Variants in TOR1A observed in about 807,000 individuals in gnomAD.
TOR1A encodes the protein torsin-1A.
A neutral mutation model predicts 31.4 loss-of-function variants in TOR1A; 18 were observed. The ratio of observed to expected loss-of-function variants is 0.57; its 90% confidence interval spans 0.40 to 0.85. TOR1A has a LOEUF of 0.85. TOR1A is among the 40% of genes least tolerant of loss of function. TOR1A has a pLI of 0.00. For missense variants in TOR1A, 375 were observed against 416.4 expected, an observed-to-expected ratio of 0.90 and a Z score of 0.87; for synonymous variants, 168 against 165.9, an observed-to-expected ratio of 1.01 and a Z score of -0.10.
intron 4 of TOR1A, among the ~76,000 whole-genome samples, chr9:129,817,726 G>A (rs561168953): frequency 1.0e-4 from 15 of 148,082 alleles, no homozygotes; most frequent in African/African-American, 3.7e-4. Flanking sequence ...AGCAGGCCAG[G>A]TATGTAGCTC....
intron 1 of TOR1A, among the ~76,000 whole-genome samples, chr9:129,823,128 G>A (rs1407965558): frequency 6.6e-6 from 1 of 152,112 alleles, no homozygotes; most frequent in Non-Finnish European, 1.5e-5. Flanking sequence ...TAACCCCTGT[G>A]CTGCTCCTCC....
At position 129,818,725 on chromosome 9, in the gene TOR1A, T is replaced by C. The variant is rs180782681; in HGVS notation, c.620+20A>G. 1.1e-5 allele frequency: 17 copies of C among 1,613,808 alleles called. No homozygotes were observed. Among genetic ancestry groups the C allele is most frequent in the Admixed American group, 1.7e-5 (1 of 60,020 alleles). Reference sequence around the variant, plus strand: ...GCTTGGGCTCGGGGCCCATCCATCATGTCCTAGCCCTGACCTTACCTGAGA... The same window carrying C: ...GCTTGGGCTCGGGGCCCATCCATCACGTCCTAGCCCTGACCTTACCTGAGA... On this transcript the variant is annotated intron_variant, in intron 3 of 4. Coordinates refer to ENST00000351698, the MANE Select transcript of TOR1A (RefSeq NM_000113.3).
Position 129,822,713 on chromosome 9 carries a change from T to C in TOR1A, c.312A>G (p.Thr104=), listed in dbSNP as rs1356936902. Residue 104 remains threonine (T), a synonymous_variant, in exon 2 of 5, where the codon ACA becomes ACG. Coordinates refer to ENST00000351698, the MANE Select transcript of TOR1A (RefSeq NM_000113.3). Reference sequence around the variant, plus strand: ...TGCTGACGAAATTTTTGCCGGTGCCTGTCCACCCGTGCAGGGAGAGCGTGA... The same window carrying C: ...TGCTGACGAAATTTTTGCCGGTGCCCGTCCACCCGTGCAGGGAGAGCGTGA... The part of the protein sequence containing the change: ...KPLTLSLHGW[T]GTGKNFVSKI... The C allele has an allele frequency of 6.2e-7, 1 of 1,614,214 alleles. No individual in the cohort carries two copies. The highest frequency in any genetic ancestry group is 8.5e-7 in the Non-Finnish European group (1 of 1,180,030).
At chr9:129,815,944 C>G (rs1211378586) in intron 4 of TOR1A, among the ~76,000 whole-genome samples, 1 of 152,094 alleles carries the variant, frequency 6.6e-6, no homozygotes, top group African/African-American at 2.4e-5. Context: ...TGGGTCTGTC[C>G]TCCATCCAGT....
rs2031132963 is a variant in TOR1A, at chr9:129,819,685, G to A, written c.445-765C>T. On this transcript the variant is annotated intron_variant, in intron 2 of 4. Coordinates refer to ENST00000351698, the MANE Select transcript of TOR1A (RefSeq NM_000113.3). Reference sequence around the variant, plus strand: ...CTGAGGTAGAATTGCATGAACCTGGGAGGCGGAGGTTGCGGTGAGCCAAGA... The same window carrying A: ...CTGAGGTAGAATTGCATGAACCTGGAAGGCGGAGGTTGCGGTGAGCCAAGA... Among the ~76,000 whole-genome samples the A allele has an allele frequency of 2.6e-5, 4 of 151,962 alleles. No homozygotes were observed. The South Asian group carries it at 8.3e-4, about 32-fold the overall frequency.
chr9:129,820,634 C>G (rs1483050302), intron 2 of TOR1A, among the ~76,000 whole-genome samples: 2 of 152,160 alleles, frequency 1.3e-5, no homozygotes, highest in South Asian at 2.1e-4. Context: ...GGTCTCACTC[C>G]GTCACCCAGG....
intron 4 of TOR1A, among the ~76,000 whole-genome samples, chr9:129,818,116 G>A (rs941912218): frequency 2.6e-5 from 4 of 152,160 alleles, no homozygotes; most frequent in Admixed American, 2.6e-4. Flanking sequence ...GACCAGCCTG[G>A]CCAACATGAC....
At chr9:129,823,405 G>A in intron 1 of TOR1A, 2 of 269,806 alleles carry the variant, frequency 7.4e-6, no homozygotes, top group Non-Finnish European at 1.5e-5. Flanking sequence ...CTTGGCTTCC[G>A]GGGTCCGGCC....
In TOR1A at chr9:129,813,340, C is replaced by A; in HGVS notation, c.*632G>T. 1 of 160,682 alleles carries A rather than the reference C, an allele frequency of 6.2e-6. No individual in the cohort carries two copies. The highest frequency in any genetic ancestry group is 1.4e-5 in the Non-Finnish European group (1 of 73,142). The allele number at this position is 160,682 out of a possible 1,614,324, so 10.0% of individuals were successfully genotyped here. On this transcript the variant is annotated 3_prime_UTR_variant, in exon 5 of 5. Transcript: ENST00000351698. ...GGCTGTTTCAGGCTTATCTGTGGTGCCTGAAGGCGTCCTCTTACCTACTTG... is the reference window on the plus strand; with the variant it reads ...GGCTGTTTCAGGCTTATCTGTGGTGACTGAAGGCGTCCTCTTACCTACTTG...
At chr9:129,823,776 A>T in intron 1 of TOR1A, 132 bp downstream of exon 1, 1 of 934,980 alleles carries the variant, frequency 1.1e-6, no homozygotes, top group Non-Finnish European at 1.5e-6. Flanking sequence ...CTCCAGCCCT[A>T]GTCCTAGCCC....
rs1165733041 is a variant in TOR1A at position 129,822,746 on chromosome 9, CT to C, written c.278del (p.Lys93ArgfsTer32). 1 of 1,614,180 alleles carries C rather than the reference CT, an allele frequency of 6.2e-7. No homozygotes were observed. Among genetic ancestry groups the C allele is most frequent in the Admixed American group, 1.7e-5 (1 of 60,020 alleles). On this transcript the variant is annotated frameshift_variant, in exon 2 of 5. Coordinates refer to ENST00000351698, the MANE Select transcript of TOR1A (RefSeq NM_000113.3). LOFTEE classifies it high-confidence loss of function. Reference sequence around the variant, plus strand: ...CGTGCAGGGAGAGCGTGAGAGGTTTCTTGGGCTTTGGGTTGTTTATGAAACC... The same window carrying C: ...CGTGCAGGGAGAGCGTGAGAGGTTTCTGGGCTTTGGGTTGTTTATGAAACC... ...VFGFINNPKPKKPLTLSLHGW... is the reference protein window; with the variant it reads ...VFGFINNPKPXKPLTLSLHGW...
chr9:129,822,756 G>C lies in TOR1A; in HGVS notation c.269C>G (p.Pro90Arg), dbSNP rs1453201052. The C allele has an allele frequency of 6.2e-7, 1 of 1,614,160 alleles. No individual in the cohort carries two copies. The highest frequency in any genetic ancestry group is 1.1e-5 in the South Asian group (1 of 91,070). ...LNAVFGFINN[P>R]KPKKPLTLSL... ...GAGCGTGAGAGGTTTCTTGGGCTTT[G>C]GGTTGTTTATGAAACCAAACACGGC... The change falls in exon 2 of 5, where the codon CCA becomes CGA. Residue 90 changes from proline to arginine, a missense_variant. Pro to Arg is a moderately radical substitution (Grantham distance 103). Coordinates refer to ENST00000351698, the MANE Select transcript of TOR1A (RefSeq NM_000113.3).
chr9:129,818,605 G>A lies in TOR1A; in HGVS notation c.663C>T (p.Phe221=). The change falls in exon 4 of 5, where the codon TTC becomes TTT. Residue 221 remains phenylalanine, a synonymous_variant. Transcript: ENST00000351698. ...AERITDVALD[F]WRSGKQREDI... ...CTTCCCTCTGCTTTCCACTCCTCCA[G>A]AAATCCAAAGCCACATCTGTGATCC... is the stretch of plus-strand genomic sequence containing the variant. The A allele has an allele frequency of 6.2e-7, 1 of 1,614,220 alleles. No homozygotes were observed. Among genetic ancestry groups the A allele is most frequent in the Admixed American group, 1.7e-5 (1 of 60,022 alleles).
At chr9:129,821,929 G>A (rs1417981506) in intron 2 of TOR1A, 7 of 157,108 alleles carry the variant, frequency 4.5e-5, no homozygotes, top group African/African-American at 1.5e-4. Flanking sequence ...ACAACAGTAG[G>A]TTCAACAAAC....
chr9:129,822,378 A>T, intron 2 of TOR1A: 1 of 735,250 alleles, frequency 1.4e-6, no homozygotes, highest in Non-Finnish European at 2.3e-6. Context: ...ACCGATTTTC[A>T]GAACCCACCA....
rs201899335 is a variant in TOR1A, at chr9:129,818,943, G to T, written c.445-23C>A. Reference sequence around the variant, plus strand: ...ATCCTGAATTAAAAGGGGAAAAAGCGAACACAAAGTTCTCAGCCAGGGCCA... The same window carrying T: ...ATCCTGAATTAAAAGGGGAAAAAGCTAACACAAAGTTCTCAGCCAGGGCCA... On this transcript the variant is annotated intron_variant, in intron 2 of 4. Coordinates refer to ENST00000351698, the MANE Select transcript of TOR1A (RefSeq NM_000113.3). 4 of 1,608,782 alleles carry T rather than the reference G, an allele frequency of 2.5e-6. No homozygotes were observed. The South Asian group carries it at 3.3e-5, about 13-fold the overall frequency.
In TOR1A at chr9:129,822,373, T is replaced by A; in HGVS notation, c.444+208A>T. 3 of 721,316 alleles carry A rather than the reference T, an allele frequency of 4.2e-6. No individual in the cohort carries two copies. In the East Asian group the frequency reaches 8.8e-5, roughly 21 times the overall value. The allele number at this position is 721,316 out of a possible 1,614,324, so 44.7% of individuals were successfully genotyped here. On this transcript the variant is annotated intron_variant, in intron 2 of 4. Transcript: ENST00000351698. ...TGACCCTACATACTCACTGGACCGA[T>A]TTTCAGAACCCACCACAAAGCTTTG...
At position 129,818,897 on chromosome 9, in the gene TOR1A, T is replaced by A; in HGVS notation, c.468A>T (p.Arg156=). The A allele has an allele frequency of 1.2e-6, 2 of 1,613,680 alleles. No individual in the cohort carries two copies. Among genetic ancestry groups the A allele is most frequent in the Non-Finnish European group, 1.7e-6 (2 of 1,180,042 alleles). The change falls in exon 3 of 5, where the codon CGA becomes CGT. Residue 156 remains arginine, a synonymous_variant. Transcript: ENST00000351698. ...LYKDQLQLWI[R]GNVSACARSI... is the part of the protein sequence containing the mutation. ...ACCTCGCACAGGCACTCACGTTGCC[T>A]CGAATCCACAACTGTAACTGATCCT...
rs1384287404 is a variant in TOR1A, at chr9:129,823,399, G to A, written c.178+509C>T. The A allele has an allele frequency of 4.8e-5, 13 of 271,646 alleles. No individual in the cohort carries two copies. The East Asian group carries it at 1.4e-3, about 28-fold the overall frequency. The allele number at this position is 271,646 out of a possible 1,614,324, so 16.8% of individuals were successfully genotyped here. On this transcript the variant is annotated intron_variant, in intron 1 of 4. Transcript: ENST00000351698. Reference sequence around the variant, plus strand: ...CCTCATCCTGCAGGCCGGCCGCTTGGCTTCCGGGGTCCGGCCCCCGCGGAC... The same window carrying A: ...CCTCATCCTGCAGGCCGGCCGCTTGACTTCCGGGGTCCGGCCCCCGCGGAC...
Sources: gnomAD v4.1 joint callset for allele counts (sites outside exome capture counted in the v4.1 genomes callset) on GRCh38, gnomAD v4.1.1 for gene constraint, MANE v1.5 for transcripts, NCBI Gene and HGNC (gene_info 2026-07-23, HGNC 2026-07-21) for gene names.